The following MCTP2 variants were observed in gnomAD, a reference collection of about 807,000 sequenced individuals.
MCTP2 encodes the protein multiple C2 and transmembrane domain-containing protein 2.
MCTP2 carries 132 observed loss-of-function variants against 111.6 expected under a neutral mutation model. That is an observed-to-expected ratio of 1.18 (90% confidence interval 1.03 to 1.37). MCTP2 has a LOEUF of 1.37. MCTP2 is among the 40% of genes most tolerant of loss of function. The pLI is 0.00. For missense variants in MCTP2, 1,183 were observed against 1,067.9 expected (o/e 1.11, Z -1.50); for synonymous variants, 395 against 387.7 (o/e 1.02, Z -0.22).
chr15:94,379,685 T>C (rs2079991708), intron 12 of MCTP2, among the ~76,000 whole-genome samples: 1 of 148,610 alleles, frequency 6.7e-6, no homozygotes, highest in East Asian at 1.9e-4. Flanking sequence ...CTCTCATATA[T>C]ATACAAAATG....
At chr15:94,396,063 C>T (rs2081267741) in intron 14 of MCTP2, among the ~76,000 whole-genome samples, 1 of 152,000 alleles carries the variant, frequency 6.6e-6, no homozygotes, top group Non-Finnish European at 1.5e-5. Flanking sequence ...CACTATTTGG[C>T]CATGAAAAGG....
chr15:94,435,629 CTTTTTTT>C (rs202170550), intron 17 of MCTP2, among the ~76,000 whole-genome samples: 6 of 117,922 alleles, frequency 5.1e-5, no homozygotes, highest in African/African-American at 1.9e-4. Flanking sequence ...TTTTTTTATT[CTTTTTTT>C]TTTTTTTTTT....
At chr15:94,356,853 C>T (rs1215228345) in intron 9 of MCTP2, among the ~76,000 whole-genome samples, 3 of 152,092 alleles carry the variant, frequency 2.0e-5, no homozygotes, top group African/African-American at 7.2e-5. Context: ...AATAATTCAT[C>T]TTATTCTGCT....
At position 94,345,273 on chromosome 15, in the gene MCTP2, T is replaced by A. The variant is rs1013195728; in HGVS notation, c.1005+109T>A. ...TACCCAATCTTTACATCAAACAGAATTCTTTTCCTCTTACTGCTGTTACGA... is the reference window on the plus strand; with the variant it reads ...TACCCAATCTTTACATCAAACAGAAATCTTTTCCTCTTACTGCTGTTACGA... On this transcript the variant is annotated intron_variant, in intron 8 of 22. Coordinates refer to ENST00000357742, the MANE Select transcript of MCTP2 (RefSeq NM_001385001.1). 4 of 1,107,462 alleles carry A rather than the reference T, an allele frequency of 3.6e-6. No individual in the cohort carries two copies. The Admixed American group carries it at 8.3e-5, about 23-fold the overall frequency. 68.6% of individuals were successfully genotyped at this position (1,107,462 alleles called of 1,614,324 possible).
intron 1 of MCTP2, among the ~76,000 whole-genome samples, chr15:94,295,484 A>G (rs760411126): frequency 2.3e-4 from 35 of 152,088 alleles, no homozygotes; most frequent in Admixed American, 4.6e-4. Context: ...TCCCACAGAA[A>G]CCACAGTGCT....
chr15:94,452,075 T>C (rs2084496630), intron 19 of MCTP2, among the ~76,000 whole-genome samples: 1 of 152,082 alleles, frequency 6.6e-6, no homozygotes, highest in Admixed American at 6.6e-5. Flanking sequence ...ACCAAGCTAG[T>C]AGATGTCAGG....
chr15:94,269,453 C>G (rs968385379), intron 1 of MCTP2, among the ~76,000 whole-genome samples: 3 of 152,120 alleles, frequency 2.0e-5, no homozygotes, highest in African/African-American at 7.2e-5. Context: ...TTTGTCTTTA[C>G]AACTCCAGAT....
At chr15:94,242,017 G>C (rs955635238) in intron 1 of MCTP2, among the ~76,000 whole-genome samples, 2 of 152,126 alleles carry the variant, frequency 1.3e-5, no homozygotes, top group African/African-American at 4.8e-5. Context: ...AATGATTAAG[G>C]AGAGAAAAGG....
At chr15:94,398,601 T>G (rs1396959340) in intron 14 of MCTP2, among the ~76,000 whole-genome samples, 1 of 152,218 alleles carries the variant, frequency 6.6e-6, no homozygotes, top group Non-Finnish European at 1.5e-5. Context: ...TGTGACAGTT[T>G]CCTAGTCTTT....
rs140060443 is a variant in MCTP2, at chr15:94,403,574, G to A, written c.2085+1555G>A. On this transcript the variant is annotated intron_variant, in intron 17 of 22. Coordinates refer to ENST00000357742, the MANE Select transcript of MCTP2 (RefSeq NM_001385001.1). Reference sequence around the variant, plus strand: ...GATCTGTTGCCCTGGATTCTGTAGGGAGATGACAGAAATGATTAATGGGCT... The same window carrying A: ...GATCTGTTGCCCTGGATTCTGTAGGAAGATGACAGAAATGATTAATGGGCT... Among the ~76,000 whole-genome samples, 285 of 152,328 alleles carry A rather than the reference G, an allele frequency of 1.9e-3. 1 individual carries two copies. The highest frequency in any genetic ancestry group is 6.6e-3 in the African/African-American group (275 of 41,572).
At chr15:94,240,337 CTA>C (rs1466177934) in intron 1 of MCTP2, among the ~76,000 whole-genome samples, 8 of 152,096 alleles carry the variant, frequency 5.3e-5, no homozygotes, top group Admixed American at 4.6e-4. Context: ...GAAATCTGGC[CTA>C]TGTCTTTTTT....
intron 12 of MCTP2, 147 bp downstream of exon 12, chr15:94,370,327 CTT>C: frequency 1.8e-6 from 1 of 549,042 alleles, no homozygotes; most frequent in Non-Finnish European, 3.1e-6. Context: ...AAGAGGCAGA[CTT>C]GAGCAATTTC....
chr15:94,471,667 A>AT (rs1416000580), intron 21 of MCTP2, among the ~76,000 whole-genome samples: 1 of 150,026 alleles, frequency 6.7e-6, no homozygotes, highest in Non-Finnish European at 1.5e-5. Context: ...TCTTGTTGGT[A>AT]TTTTTTGTTT....
At chr15:94,333,839 A>G (rs1340775550) in intron 4 of MCTP2, among the ~76,000 whole-genome samples, 2 of 152,200 alleles carry the variant, frequency 1.3e-5, no homozygotes, top group Non-Finnish European at 2.9e-5. Context: ...TTTAGTTTTT[A>G]TACAGCTCTT....
chr15:94,356,382 A>G (rs1028868402), intron 9 of MCTP2, 81 bp downstream of exon 9: 28 of 1,309,558 alleles, frequency 2.1e-5, no homozygotes, highest in Non-Finnish European at 2.3e-5. Flanking sequence ...TTTAAATTTT[A>G]CAAAAGTAGA....
rs557989149 is a variant in MCTP2 at position 94,325,812 on chromosome 15, A to ATTTTTTTTTT, written c.637+10192_637+10201dup. Among the ~76,000 whole-genome samples, 652 of 91,792 alleles carry ATTTTTTTTTT rather than the reference A, an allele frequency of 7.1e-3. 92 individuals are homozygous for ATTTTTTTTTT. Among genetic ancestry groups the ATTTTTTTTTT allele is most frequent in the African/African-American group, 0.028 (627 of 22,264 alleles). 60.2% of individuals were successfully genotyped at this position (91,792 alleles called of 152,430 possible). ...GAACCTACTCTACTCCATCGCTCCGATTTTTTTTTTTTTTTTTTTTTTTTT... is the reference window on the plus strand; with the variant it reads ...GAACCTACTCTACTCCATCGCTCCGATTTTTTTTTTTTTTTTTTTTTTTTTTTTTTTTTTT... On this transcript the variant is annotated intron_variant, in intron 4 of 22. Coordinates refer to ENST00000357742, the MANE Select transcript of MCTP2 (RefSeq NM_001385001.1).
chr15:94,459,015 CTG>C (rs1170107364), intron 20 of MCTP2, among the ~76,000 whole-genome samples: 1 of 94,640 alleles, frequency 1.1e-5, no homozygotes, highest in East Asian at 3.1e-4. Flanking sequence ...TTAAGAAAGA[CTG>C]TAGATTCATA....
chr15:94,362,615 T>A (rs958815237), intron 10 of MCTP2, among the ~76,000 whole-genome samples: 1 of 152,210 alleles, frequency 6.6e-6, no homozygotes, highest in Non-Finnish European at 1.5e-5. Flanking sequence ...TTCACCATTT[T>A]CCTCCTGTTC....
chr15:94,323,563 C>T (rs549253106), intron 4 of MCTP2, among the ~76,000 whole-genome samples: 1 of 152,162 alleles, frequency 6.6e-6, no homozygotes, highest in Non-Finnish European at 1.5e-5. Flanking sequence ...TGTGGGCCTT[C>T]AGCCTTGACA....
Sources: gnomAD v4.1 joint callset for allele counts (sites outside exome capture counted in the v4.1 genomes callset) on GRCh38, gnomAD v4.1.1 for gene constraint, MANE v1.5 for transcripts, NCBI Gene and HGNC (gene_info 2026-07-23, HGNC 2026-07-21) for gene names.